Variants in SLC35F4 observed in about 807,000 individuals in gnomAD.
The protein encoded by SLC35F4 is chromosome 14 open reading frame 36.
SLC35F4 carries 24 observed loss-of-function variants against 44.2 expected under a neutral mutation model. That is an observed-to-expected ratio of 0.54 (90% CI 0.39 to 0.76). SLC35F4 has a LOEUF of 0.76. Among genes scored for constraint, SLC35F4 ranks in the 30% least tolerant of loss-of-function variants. The probability of loss-of-function intolerance (pLI) is 0.00; values close to 1 mark genes in which losing one functional copy is unlikely to be tolerated. For missense variants in SLC35F4, 562 were observed against 586.1 expected, an observed-to-expected ratio of 0.96 and a Z score of 0.42; for synonymous variants, 238 against 223.6, an observed-to-expected ratio of 1.06 and a Z score of -0.57.
intron 1 of SLC35F4, among the ~76,000 whole-genome samples, chr14:57,720,592 C>A (rs760228543): frequency 9.2e-5 from 14 of 151,994 alleles, no homozygotes; most frequent in Admixed American, 3.3e-4. Flanking sequence ...TCCATTTCTT[C>A]TAGACTGTGA....
intron 5 of SLC35F4, among the ~76,000 whole-genome samples, chr14:57,570,648 A>G (rs558941119): frequency 1.3e-5 from 2 of 151,924 alleles, no homozygotes; most frequent in Non-Finnish European, 2.9e-5. Flanking sequence ...TAAGCCCACC[A>G]CTCCCTATAC....
intron 1 of SLC35F4, among the ~76,000 whole-genome samples, chr14:57,782,379 C>T (rs902269269): frequency 1.7e-4 from 23 of 138,866 alleles, no homozygotes; most frequent in Admixed American, 1.6e-3. Flanking sequence ...CTAGAAATAT[C>T]AAAAAAAAAA....
chr14:57,822,606 G>A (rs966883153), intron 1 of SLC35F4, among the ~76,000 whole-genome samples: 4 of 152,012 alleles, frequency 2.6e-5, no homozygotes, highest in African/African-American at 9.7e-5. Flanking sequence ...ATAAAAATGA[G>A]TAATTCAAAG....
intron 1 of SLC35F4, among the ~76,000 whole-genome samples, chr14:57,599,709 G>A (rs2070699749): frequency 6.6e-6 from 1 of 151,530 alleles, no homozygotes; most frequent in African/African-American, 2.4e-5. Context: ...TGTTGAGGCA[G>A]GAGAACCTCT....
intron 1 of SLC35F4, among the ~76,000 whole-genome samples, chr14:57,712,106 T>C (rs1309071687): frequency 2.0e-5 from 3 of 152,210 alleles, no homozygotes; most frequent in African/African-American, 7.2e-5. Flanking sequence ...GCAGCTCTTC[T>C]TTTATAAATG....
intron 1 of SLC35F4, among the ~76,000 whole-genome samples, chr14:57,965,390 C>T (rs1167759480): frequency 6.6e-6 from 1 of 152,122 alleles, no homozygotes; most frequent in East Asian, 1.9e-4. Context: ...TGGGCCCACC[C>T]ACCCAGATAA....
At chr14:57,949,706 G>A (rs145289627) in intron 1 of SLC35F4, among the ~76,000 whole-genome samples, 180 of 152,164 alleles carry the variant, frequency 1.2e-3, no homozygotes, top group Middle Eastern at 6.8e-3. Flanking sequence ...AGCATTTCTT[G>A]TAGTGCTAGT....
chr14:57,822,856 G>C (rs1244578973), intron 1 of SLC35F4, among the ~76,000 whole-genome samples: 4 of 152,040 alleles, frequency 2.6e-5, no homozygotes. Flanking sequence ...TCTAAAGGCT[G>C]GGGTGCCATG....
At chr14:57,665,851 C>A (rs2074289690) in intron 1 of SLC35F4, among the ~76,000 whole-genome samples, 1 of 152,168 alleles carries the variant, frequency 6.6e-6, no homozygotes, top group Admixed American at 6.6e-5. Context: ...AGCTGGCGGC[C>A]ATTCTCCTTA....
intron 1 of SLC35F4, among the ~76,000 whole-genome samples, chr14:57,671,797 C>T (rs904255612): frequency 1.8e-4 from 27 of 152,152 alleles, no homozygotes; most frequent in South Asian, 4.1e-4. Context: ...TGGATGAGCA[C>T]GGAAGTACAA....
chr14:57,806,385 A>T (rs1167177242), intron 1 of SLC35F4, among the ~76,000 whole-genome samples: 1 of 152,172 alleles, frequency 6.6e-6, no homozygotes, highest in Non-Finnish European at 1.5e-5. Flanking sequence ...TTACTGTAAA[A>T]CCAAGGAAAT....
At chr14:57,867,258 G>T (rs531504464), upstream of SLC35F4, among the ~76,000 whole-genome samples, 3 of 152,150 alleles carry the variant, frequency 2.0e-5, no homozygotes. Context: ...CACATTGTGT[G>T]TGGGCCCTTA....
intron 1 of SLC35F4, among the ~76,000 whole-genome samples, chr14:57,740,591 G>C (rs990906067): frequency 1.3e-5 from 2 of 152,102 alleles, no homozygotes; most frequent in Non-Finnish European, 2.9e-5. Flanking sequence ...AAGAGAAGTA[G>C]GGTAACTATA....
rs374229259 is a variant in SLC35F4 at position 57,942,513 on chromosome 14, T to C, written n.282+39400A>G. 2.0e-5 allele frequency among the ~76,000 whole-genome samples: 3 copies of C among 152,324 alleles called. No homozygotes were observed. The East Asian group carries it at 5.8e-4, about 29-fold the overall frequency. On this transcript the variant is annotated intron_variant and non_coding_transcript_variant, in intron 1 of 1. Transcript: ENST00000556568. Reference sequence around the variant, plus strand: ...ATATTTTATAATAATTGTGAGCATCTTCCCCAAGCCAAATATGGAATGAAG... The same window carrying C: ...ATATTTTATAATAATTGTGAGCATCCTCCCCAAGCCAAATATGGAATGAAG...
Position 57,865,763 on chromosome 14 carries a change from G to T in SLC35F4, c.63C>A (p.Thr21=). Residue 21 remains threonine (T), a synonymous_variant, in exon 1 of 8, where the codon ACC becomes ACA. Transcript: ENST00000556826. ...AACCTGGATAATAGCCATAGTAGCC[G>T]GTGATCCGCAGGATCCGGTCCTCGA... The part of the protein sequence containing the change: ...ATIEDRILRI[T]GYYGYYPGYS... The T allele has an allele frequency of 6.6e-7, 1 of 1,523,840 alleles. No homozygotes were observed. The highest frequency in any genetic ancestry group is 2.5e-5 in the East Asian group (1 of 40,204). 94.4% of individuals were successfully genotyped at this position (1,523,840 alleles called of 1,614,324 possible). A position where few individuals can be genotyped will look rare whatever the true frequency, so the allele number is the denominator to read the frequency against.
intron 3 of SLC35F4, among the ~76,000 whole-genome samples, chr14:57,585,845 A>C (rs547405483): frequency 6.3e-4 from 96 of 152,342 alleles, no homozygotes; most frequent in African/African-American, 2.3e-3. Context: ...CGGGTGGGAA[A>C]ATATTCTATG....
chr14:57,615,341 G>A (rs2071747277), intron 1 of SLC35F4, among the ~76,000 whole-genome samples: 1 of 130,972 alleles, frequency 7.6e-6, no homozygotes, highest in Non-Finnish European at 1.7e-5. Flanking sequence ...GAAAGAACAA[G>A]AAACAAACAT....
At chr14:57,977,165 G>C (rs1881243013) in intron 1 of SLC35F4, among the ~76,000 whole-genome samples, 1 of 152,136 alleles carries the variant, frequency 6.6e-6, no homozygotes, top group Non-Finnish European at 1.5e-5. Context: ...CCATGAAAAA[G>C]ATATAGTGCT....
At chr14:57,841,874 AT>A (rs903693414) in intron 1 of SLC35F4, among the ~76,000 whole-genome samples, 1 of 152,198 alleles carries the variant, frequency 6.6e-6, no homozygotes, top group Non-Finnish European at 1.5e-5. Flanking sequence ...AATACTTAAA[AT>A]TTTTTATGTG....
Sources: allele counts gnomAD v4.1 joint callset (sites outside exome capture counted in the v4.1 genomes callset), GRCh38; gene constraint gnomAD v4.1.1; transcripts MANE v1.5; gene names NCBI Gene and HGNC (gene_info 2026-07-23, HGNC 2026-07-21).